Variants in PHLDB2 observed in about 807,000 individuals in gnomAD.
The protein encoded by PHLDB2 is pleckstrin homology-like domain family B member 2.
A neutral mutation model predicts 123.6 loss-of-function variants in PHLDB2; 71 were observed. The ratio of observed to expected loss-of-function variants is 0.57; its 90% CI spans 0.47 to 0.70. The LOEUF is 0.70. PHLDB2 is among the 30% of genes least tolerant of loss of function. The pLI is 0.00. For missense variants in PHLDB2, 1,446 were observed against 1,519.5 expected, an observed-to-expected ratio of 0.95 and a Z score of 0.80; for synonymous variants, 547 against 541.6, an observed-to-expected ratio of 1.01 and a Z score of -0.14.
chr3:111,963,170 G>A (rs1413623282), intron 13 of PHLDB2, among the ~76,000 whole-genome samples: 2 of 152,048 alleles, frequency 1.3e-5, no homozygotes, highest in Non-Finnish European at 2.9e-5. Flanking sequence ...AAGTTTTGAT[G>A]TCCCACTACC....
intron 1 of PHLDB2, among the ~76,000 whole-genome samples, chr3:111,835,112 C>T (rs898333396): frequency 6.6e-6 from 1 of 152,134 alleles, no homozygotes; most frequent in Non-Finnish European, 1.5e-5. Flanking sequence ...CCATGAGCCT[C>T]TCATTCTTAG....
At chr3:111,811,707 A>G (rs933727129) in intron 1 of PHLDB2, among the ~76,000 whole-genome samples, 3 of 152,150 alleles carry the variant, frequency 2.0e-5, no homozygotes, top group African/African-American at 7.2e-5. Flanking sequence ...TCTGTCTTTC[A>G]GATACTATAA....
chr3:111,816,571 T>C (rs187125373), intron 1 of PHLDB2, among the ~76,000 whole-genome samples: 55 of 152,326 alleles, frequency 3.6e-4, no homozygotes, highest in Admixed American at 2.3e-3. Context: ...AATGGCTGTA[T>C]TTACCTGATG....
chr3:111,899,606 T>C (rs1364287309), intron 2 of PHLDB2, among the ~76,000 whole-genome samples: 1 of 152,146 alleles, frequency 6.6e-6, no homozygotes, highest in Admixed American at 6.5e-5. Flanking sequence ...TTAAGGGCCT[T>C]GGTATTTTTG....
At chr3:111,801,424 A>G (rs2108268339) in intron 1 of PHLDB2, among the ~76,000 whole-genome samples, 1 of 152,260 alleles carries the variant, frequency 6.6e-6, no homozygotes, top group Non-Finnish European at 1.5e-5. Flanking sequence ...CTCATAAACA[A>G]TCTGTTCACC....
At chr3:111,960,712 A>G (rs1313809437) in intron 12 of PHLDB2, among the ~76,000 whole-genome samples, 1 of 152,214 alleles carries the variant, frequency 6.6e-6, no homozygotes, top group Non-Finnish European at 1.5e-5. Flanking sequence ...GAGCACACAA[A>G]AAAGAGGAAA....
At chr3:111,962,047 T>A (rs1177998416) in intron 12 of PHLDB2, 61 bp from the exon 13 acceptor site, 8 of 1,458,910 alleles carry the variant, frequency 5.5e-6, no homozygotes, top group Non-Finnish European at 7.5e-6. Flanking sequence ...TGTCTGTAGA[T>A]GTTTAAGATT....
At chr3:111,733,657 G>A (rs1360065908) in intron 1 of PHLDB2, among the ~76,000 whole-genome samples, 1 of 152,218 alleles carries the variant, frequency 6.6e-6, no homozygotes, top group African/African-American at 2.4e-5. Flanking sequence ...GTTATTGAGT[G>A]ATTCTTGAGG....
intron 2 of PHLDB2, among the ~76,000 whole-genome samples, chr3:111,886,825 C>A (rs1010730046): frequency 6.6e-6 from 1 of 152,126 alleles, no homozygotes; most frequent in African/African-American, 2.4e-5. Flanking sequence ...TGTTCATGGT[C>A]ACAAAATGGC....
In PHLDB2 at chr3:111,907,953, C is replaced by T. The variant is rs150757936; in HGVS notation, c.1336-5366C>T. Reference sequence around the variant, plus strand: ...CTGAGAATACAGGCATGAGCCACCACGCCCAGGTAATTTTTGCATTTTTTG... The same window carrying T: ...CTGAGAATACAGGCATGAGCCACCATGCCCAGGTAATTTTTGCATTTTTTG... On this transcript the variant is annotated intron_variant, in intron 2 of 17. Transcript: ENST00000431670. Among the ~76,000 whole-genome samples, 1,163 of 152,256 alleles carry T rather than the reference C, an allele frequency of 7.6e-3. 18 individuals carry two copies. The highest frequency in any genetic ancestry group is 0.026 in the African/African-American group (1,087 of 41,546).
intron 8 of PHLDB2, among the ~76,000 whole-genome samples, chr3:111,941,090 T>C (rs1458900041): frequency 1.3e-5 from 2 of 152,208 alleles, no homozygotes; most frequent in Non-Finnish European, 2.9e-5. Flanking sequence ...TTCTAGCAAA[T>C]GTCACATTGC....
chr3:111,779,704 T>A, intron 1 of PHLDB2: 1 of 318,016 alleles, frequency 3.1e-6, no homozygotes, highest in South Asian at 1.3e-4. Flanking sequence ...CTGGGTTCAT[T>A]CCACATTTTT....
At chr3:111,916,514 G>T (rs2068185689) in intron 3 of PHLDB2, 1 of 152,210 alleles carries the variant, frequency 6.6e-6, no homozygotes, top group Admixed American at 6.5e-5. Flanking sequence ...AAATGGAGAA[G>T]AGAGGAATGT....
At chr3:111,949,852 A>T in intron 10 of PHLDB2, 4 of 986,038 alleles carry the variant, frequency 4.1e-6, no homozygotes, top group Non-Finnish European at 4.8e-6. Flanking sequence ...TTTACCAGCT[A>T]AGAAACACAG....
rs1177934255 is a variant in PHLDB2 at position 111,969,804 on chromosome 3, A to G, written c.3430A>G (p.Lys1144Glu). ...DTCYHVSITE[K>E]TCRGFLIKMG... is the part of the protein sequence containing the mutation. ...CTGTTACCATGTATCAATCACAGAG[A>G]AGACCTGCCGAGGATTCCTCATCAA... The change falls in exon 16 of 18, where the codon AAG becomes GAG. Residue 1144 changes from lysine to glutamate, a missense_variant. By Grantham distance (56) the Lys-to-Glu change is moderately conservative. Coordinates refer to ENST00000431670, the MANE Select transcript of PHLDB2 (RefSeq NM_001134438.2). 1 of 1,614,086 alleles carries G rather than the reference A, an allele frequency of 6.2e-7. No individual in the cohort carries two copies. The highest frequency in any genetic ancestry group is 2.2e-5 in the East Asian group (1 of 44,882).
Position 111,913,377 on chromosome 3 carries a change from G to A in PHLDB2, c.1394G>A (p.Ser465Asn). The part of the protein sequence containing the change: ...SLCAEYTKPD[S>N]RLSTGTTVED... The stretch of plus-strand genomic sequence containing the variant: ...TGTGCTGAATACACAAAGCCTGACA[G>A]TCGCTTATCTACTGGGACCACCGTG... Residue 465 changes from serine (S) to asparagine (N), a missense_variant, in exon 3 of 18, where the codon AGT becomes AAT. Physicochemically the swap from Ser to Asn is conservative, Grantham distance 46 (BLOSUM62 1). Around this residue, in one of 3 missense-constraint regions of PHLDB2, gnomAD observed 832 missense variants for 831.9 expected, o/e 1.00. Coordinates refer to ENST00000431670, the MANE Select transcript of PHLDB2 (RefSeq NM_001134438.2). 6.2e-7 allele frequency: 1 copy of A among 1,613,744 alleles called. No individual in the cohort carries two copies. The highest frequency in any genetic ancestry group is 8.5e-7 in the Non-Finnish European group (1 of 1,179,834).
In PHLDB2 at chr3:111,884,177, A is replaced by C; in HGVS notation, c.100A>C (p.Met34Leu). Residue 34 changes from methionine (M) to leucine (L), a missense_variant, in exon 2 of 18, where the codon ATG (methionine) becomes CTG (leucine). This residue lies in a region of PHLDB2 where 832 missense variants were observed against 831.9 expected (regional missense o/e 1.00). Transcript: ENST00000431670. ...VHSVENDSQN[M>L]MESLSPKKYS... ...TTCTGTTGAGAACGATTCCCAAAAC[A>C]TGATGGAGAGCCTCAGCCCAAAGAA... 6.2e-7 allele frequency: 1 copy of C among 1,614,198 alleles called. No individual in the cohort carries two copies.
rs1472815182 is a variant in PHLDB2, at chr3:111,849,892, C to T, written c.67+3957C>T. On this transcript the variant is annotated intron_variant, in intron 2 of 17. Transcript: ENST00000393923. ...TTCTTTTTTTTTTGGGACGGAGTCT[C>T]GCTCTGTCGCCCAGGCTAGAGTGCA... is the stretch of plus-strand genomic sequence containing the variant. Among the ~76,000 whole-genome samples the T allele has an allele frequency of 2.7e-5, 4 of 150,210 alleles. No homozygotes were observed. In the East Asian group the frequency reaches 5.9e-4, roughly 22 times the overall value.
intron 1 of PHLDB2, among the ~76,000 whole-genome samples, chr3:111,766,312 A>G (rs2060079441): frequency 6.6e-6 from 1 of 151,894 alleles, no homozygotes; most frequent in Non-Finnish European, 1.5e-5. Context: ...GCATGGTGGT[A>G]TGCACCTGTA....
Sources: gnomAD v4.1 joint callset for allele counts (sites outside exome capture counted in the v4.1 genomes callset) on GRCh38, gnomAD v4.1.1 for gene constraint, gnomAD v4.1.1 regional missense constraint, MANE v1.5 for transcripts, NCBI Gene and HGNC (gene_info 2026-07-23, HGNC 2026-07-21) for gene names.